MBD5: variants seen among roughly 807,000 people sequenced by gnomAD.
The protein encoded by MBD5 is methyl-CpG-binding domain protein 5.
MBD5 carries 13 observed loss-of-function variants against 117.3 expected under a neutral mutation model. That is an observed-to-expected ratio of 0.11 (90% CI 0.07 to 0.18). The LOEUF is 0.18. MBD5 is among the 10% of genes least tolerant of loss of function. The probability of loss-of-function intolerance (pLI) is 1.00; values close to 1 mark genes in which losing one functional copy is unlikely to be tolerated. For missense variants in MBD5, 1,879 were observed against 2,093.8 expected (o/e 0.90, Z 2.00); for synonymous variants, 727 against 766.4 (o/e 0.95, Z 0.85).
intron 4 of MBD5, among the ~76,000 whole-genome samples, chr2:148,395,580 A>G (rs927703348): frequency 3.3e-5 from 5 of 152,018 alleles, no homozygotes; most frequent in Admixed American, 2.0e-4. Context: ...ATGCACCACC[A>G]CACCCGGCTA....
intron 7 of MBD5, 143 bp from the exon 8 acceptor site, chr2:148,468,198 G>A: frequency 1.5e-6 from 1 of 678,094 alleles, no homozygotes; most frequent in Non-Finnish European, 2.6e-6. Flanking sequence ...TAATTGCATA[G>A]AATCACAGCT....
rs139702727 is a variant in MBD5 at position 148,205,524 on chromosome 2, A to G, written c.-831+26731A>G. ...TGAATGAAAGAAAAAGGGCAGAGTA[A>G]TAGAAAGCATGCAAATATTATAATT... is the stretch of plus-strand genomic sequence containing the variant. On this transcript the variant is annotated intron_variant, in intron 2 of 13. Transcript: ENST00000642680. Among the ~76,000 whole-genome samples the G allele has an allele frequency of 8.5e-4, 130 of 152,378 alleles. No homozygotes were observed. In the East Asian group the frequency reaches 0.018, roughly 21 times the overall value.
chr2:148,328,677 G>C (rs1194326338), intron 3 of MBD5, among the ~76,000 whole-genome samples: 1 of 152,200 alleles, frequency 6.6e-6, no homozygotes, highest in African/African-American at 2.4e-5. Context: ...CCCGAGTGAG[G>C]CAATGCCTCA....
At chr2:148,291,219 C>T (rs905858642) in intron 3 of MBD5, among the ~76,000 whole-genome samples, 5 of 152,102 alleles carry the variant, frequency 3.3e-5, no homozygotes, top group Non-Finnish European at 7.4e-5. Flanking sequence ...TTAAGATCAA[C>T]GTACCAATTT....
At chr2:148,188,780 C>T (rs553799122) in intron 2 of MBD5, among the ~76,000 whole-genome samples, 9 of 152,030 alleles carry the variant, frequency 5.9e-5, no homozygotes, top group South Asian at 4.2e-4. Flanking sequence ...GGAACAGCTC[C>T]GGTCTACAGC....
intron 1 of MBD5, among the ~76,000 whole-genome samples, chr2:148,162,984 TA>T (rs1284315345): frequency 1.3e-5 from 2 of 152,334 alleles, no homozygotes; most frequent in East Asian, 3.9e-4. Flanking sequence ...TAAGTTGTAA[TA>T]AAATGCTCAA....
At position 148,513,090 on chromosome 2, in the gene MBD5, T is replaced by C; in HGVS notation, c.*149T>C. On this transcript the variant is annotated 3_prime_UTR_variant, in exon 14 of 14. Transcript: ENST00000642680. Reference sequence around the variant, plus strand: ...CACAGGGTGCTAAAAGAAACAGTGATACAAAATTTTTTTGATCAGGAAGGA... The same window carrying C: ...CACAGGGTGCTAAAAGAAACAGTGACACAAAATTTTTTTGATCAGGAAGGA... The C allele has an allele frequency of 1.2e-6, 1 of 804,182 alleles. No homozygotes were observed. Among genetic ancestry groups the C allele is most frequent in the Non-Finnish European group, 2.0e-6 (1 of 497,942 alleles). The allele number at this position is 804,182 out of a possible 1,614,324, so 49.8% of individuals were successfully genotyped here.
chr2:148,179,422 A>C (rs1012007823), intron 2 of MBD5, among the ~76,000 whole-genome samples: 1 of 152,140 alleles, frequency 6.6e-6, no homozygotes, highest in Non-Finnish European at 1.5e-5. Flanking sequence ...AATTTGAAAA[A>C]ATAATTAAAC....
chr2:148,469,503 T>G lies in MBD5; in HGVS notation c.1560T>G (p.Asp520Glu), dbSNP rs113472052. Residue 520 changes from aspartate (D) to glutamate (E), a missense_variant, in exon 8 of 14, where the codon GAT (aspartate) becomes GAG (glutamate). Physicochemically the swap from Asp to Glu is conservative, Grantham distance 45. Transcript: ENST00000642680. ...CCGATGGACATCATCAGTACAAGGA[T>G]ATCCCTAACCCATTAATTGCTGGAA... ...TKSDGHHQYK[D>E]IPNPLIAGIS... 1.2e-6 allele frequency: 2 copies of G among 1,613,856 alleles called. No homozygotes were observed. The highest frequency in any genetic ancestry group is 1.7e-6 in the Non-Finnish European group (2 of 1,179,926).
At chr2:148,438,366 T>G (rs1706216634) in intron 4 of MBD5, among the ~76,000 whole-genome samples, 2 of 152,206 alleles carry the variant, frequency 1.3e-5, no homozygotes, top group African/African-American at 4.8e-5. Flanking sequence ...TGGTTACTGC[T>G]CAGACATTTC....
chr2:148,247,375 A>T (rs1312936081), intron 3 of MBD5, among the ~76,000 whole-genome samples: 1 of 152,236 alleles, frequency 6.6e-6, no homozygotes, highest in Non-Finnish European at 1.5e-5. Context: ...GCTTTAAAAC[A>T]AACATTGGCA....
chr2:148,505,577 T>G (rs763962981), intron 12 of MBD5, among the ~76,000 whole-genome samples: 1 of 152,068 alleles, frequency 6.6e-6, no homozygotes, highest in African/African-American at 2.4e-5. Context: ...CTGGTAAACT[T>G]CAGTGAGAAC....
chr2:148,318,388 A>C (rs1702204581), intron 3 of MBD5, among the ~76,000 whole-genome samples: 1 of 150,806 alleles, frequency 6.6e-6, no homozygotes, highest in African/African-American at 2.4e-5. Flanking sequence ...AGTTTACAAA[A>C]TTTTTTCCCA....
At chr2:148,185,678 G>GC (rs1698636169) in intron 2 of MBD5, among the ~76,000 whole-genome samples, 2 of 152,050 alleles carry the variant, frequency 1.3e-5, no homozygotes, top group African/African-American at 2.4e-5. Flanking sequence ...GAGGTGAGAG[G>GC]ATCACTTGAG....
At chr2:148,394,545 G>GT (rs71856376) in intron 4 of MBD5, among the ~76,000 whole-genome samples, 3 of 121,866 alleles carry the variant, frequency 2.5e-5, no homozygotes, top group African/African-American at 9.3e-5. Context: ...CTGTACTTTG[G>GT]TTTTTTTTTT....
rs146774348 is a variant in MBD5 at position 148,368,457 on chromosome 2, C to G, written c.-557+26121C>G. On this transcript the variant is annotated intron_variant, in intron 4 of 13. Coordinates refer to ENST00000642680, the MANE Select transcript of MBD5 (RefSeq NM_001378120.1). Reference sequence around the variant, plus strand: ...TCCTGCACATTCTGCACATGTATCCCAACTTAAAGTATTAAAAAAAATAAA... The same window carrying G: ...TCCTGCACATTCTGCACATGTATCCGAACTTAAAGTATTAAAAAAAATAAA... 7.0e-3 allele frequency among the ~76,000 whole-genome samples: 1,068 copies of G among 151,602 alleles called. 7 individuals are homozygous for G. The highest frequency in any genetic ancestry group is 0.011 in the Non-Finnish European group (776 of 67,832).
intron 1 of MBD5, among the ~76,000 whole-genome samples, chr2:148,083,337 A>C (rs910349036): frequency 2.0e-5 from 3 of 152,154 alleles, no homozygotes; most frequent in Non-Finnish European, 2.9e-5. Context: ...CAAGTGGAAA[A>C]TATTTTTGCG....
At chr2:148,258,868 C>T (rs767082612) in intron 3 of MBD5, among the ~76,000 whole-genome samples, 10 of 152,142 alleles carry the variant, frequency 6.6e-5, no homozygotes, top group Non-Finnish European at 1.2e-4. Flanking sequence ...AGGCGCAGAC[C>T]CCTTGGTCCT....
chr2:148,370,629 T>A (rs1703824555), intron 4 of MBD5, among the ~76,000 whole-genome samples: 1 of 151,918 alleles, frequency 6.6e-6, no homozygotes, highest in Non-Finnish European at 1.5e-5. Flanking sequence ...GCTGGGACCA[T>A]GGATGTGCAC....
Sources: gnomAD v4.1 joint callset for allele counts (sites outside exome capture counted in the v4.1 genomes callset) on GRCh38, gnomAD v4.1.1 for gene constraint, MANE v1.5 for transcripts, NCBI Gene and HGNC (gene_info 2026-07-23, HGNC 2026-07-21) for gene names.